The following HMCES variants were observed in gnomAD, a reference collection of about 807,000 sequenced individuals.
HMCES encodes the protein 5-hydroxymethylcytosine binding, ES cell specific, also known as abasic site processing protein HMCES.
In HMCES, 27 loss-of-function variants were observed where a neutral mutation model predicts 35.1. The ratio of observed to expected loss-of-function variants is 0.77; its 90% CI spans 0.57 to 1.06. HMCES has a LOEUF of 1.06. HMCES is among the 50% of genes least tolerant of loss of function. The pLI is 0.00. For synonymous variants in HMCES, 130 were observed against 154.7 expected (o/e 0.84, Z 1.18); for missense variants, 391 against 430.4 (o/e 0.91, Z 0.81).
chr3:129,294,645 A>G (rs2071070101), intron 4 of HMCES, among the ~76,000 whole-genome samples: 1 of 152,302 alleles, frequency 6.6e-6, no homozygotes, highest in African/African-American at 2.4e-5. Context: ...TAGATGGTCA[A>G]TTATGTTTTA....
chr3:129,301,346 T>A (rs2071166886), intron 5 of HMCES, among the ~76,000 whole-genome samples: 1 of 152,232 alleles, frequency 6.6e-6, no homozygotes, highest in African/African-American at 2.4e-5. Flanking sequence ...TATTTAACAT[T>A]ATTTTATATG....
intron 5 of HMCES, 137 bp downstream of exon 5, chr3:129,298,672 A>G (rs867083779): frequency 1.4e-6 from 1 of 709,650 alleles, no homozygotes; most frequent in South Asian, 2.0e-5. Context: ...CTAACATGAC[A>G]TACATTCCTA....
chr3:129,300,468 A>T (rs1409397863), intron 5 of HMCES, among the ~76,000 whole-genome samples: 1 of 152,232 alleles, frequency 6.6e-6, no homozygotes. Flanking sequence ...CTATACTTGT[A>T]TTCTACCTTT....
At chr3:129,286,895 C>A (rs1940651649) in intron 2 of HMCES, among the ~76,000 whole-genome samples, 2 of 152,090 alleles carry the variant, frequency 1.3e-5, no homozygotes, top group South Asian at 2.1e-4. Flanking sequence ...TAGATTTCAT[C>A]AAATTATCAA....
chr3:129,287,696 TAG>T (rs1306896748), intron 2 of HMCES, among the ~76,000 whole-genome samples: 1 of 152,154 alleles, frequency 6.6e-6, no homozygotes, highest in Non-Finnish European at 1.5e-5. Context: ...ACCTTGTATA[TAG>T]GTTTTCCTAA....
chr3:129,290,506 A>G (rs560942096), intron 3 of HMCES, among the ~76,000 whole-genome samples, 173 bp from the exon 4 acceptor site: 79 of 151,922 alleles, frequency 5.2e-4, no homozygotes, highest in Non-Finnish European at 9.1e-4. Flanking sequence ...CTGGTCTCGA[A>G]CTCCTGACCT....
intron 4 of HMCES, among the ~76,000 whole-genome samples, chr3:129,297,500 A>G (rs1419668657): frequency 3.3e-5 from 5 of 152,116 alleles, no homozygotes; most frequent in African/African-American, 1.2e-4. Context: ...TTCAACAGTG[A>G]GGATGGCTTC....
At chr3:129,298,732 G>A (rs2071124482) in intron 5 of HMCES, among the ~76,000 whole-genome samples, 197 bp downstream of exon 5, 1 of 152,084 alleles carries the variant, frequency 6.6e-6, no homozygotes, top group Admixed American at 6.6e-5. Context: ...AATAACTTAG[G>A]GGAAAAGTGG....
rs1451954846 is a variant in HMCES at position 129,305,884 on chromosome 3, C to G, written c.*1059C>G. 1.3e-5 allele frequency: 2 copies of G among 152,314 alleles called. No homozygotes were observed. Among genetic ancestry groups the G allele is most frequent in the African/African-American group, 4.8e-5 (2 of 41,470 alleles). 9.4% of individuals were successfully genotyped at this position (152,314 alleles called of 1,614,324 possible). On this transcript the variant is annotated 3_prime_UTR_variant, in exon 7 of 7. Coordinates refer to ENST00000383463, the MANE Select transcript of HMCES (RefSeq NM_020187.3). ...AGCAGCGCCACGCCACAGGCTTTTC[C>G]CCTGGTTTCGGGAGGGGTGGGGAGC...
At chr3:129,287,521 C>G (rs1940670271) in intron 2 of HMCES, among the ~76,000 whole-genome samples, 1 of 152,042 alleles carries the variant, frequency 6.6e-6, no homozygotes, top group Admixed American at 6.6e-5. Context: ...CATGTAGGCA[C>G]TCTACCAGAT....
At chr3:129,295,158 CAAAA>C (rs77238172) in intron 4 of HMCES, among the ~76,000 whole-genome samples, 1 of 64,648 alleles carries the variant, frequency 1.5e-5, no homozygotes. Flanking sequence ...GACTCCATCT[CAAAA>C]AAAAAAAAAA....
intron 2 of HMCES, among the ~76,000 whole-genome samples, chr3:129,286,818 C>T (rs1201967646): frequency 6.6e-6 from 1 of 152,158 alleles, no homozygotes; most frequent in Non-Finnish European, 1.5e-5. Flanking sequence ...ACTCTCTGCT[C>T]ACTGGTCTCT....
chr3:129,297,030 G>A (rs1190608733), intron 4 of HMCES, among the ~76,000 whole-genome samples: 1 of 152,176 alleles, frequency 6.6e-6, no homozygotes, highest in Admixed American at 6.5e-5. Flanking sequence ...GAGCCACCAC[G>A]ACCAGGCTAC....
intron 4 of HMCES, among the ~76,000 whole-genome samples, chr3:129,296,407 GTC>G (rs1291816381): frequency 6.6e-6 from 1 of 152,060 alleles, no homozygotes; most frequent in Non-Finnish European, 1.5e-5. Context: ...TATAGTTTCT[GTC>G]TCTCTGCTAA....
intron 4 of HMCES, among the ~76,000 whole-genome samples, chr3:129,295,429 T>G (rs907979102): frequency 2.1e-5 from 3 of 139,816 alleles, no homozygotes; most frequent in African/African-American, 9.3e-5. Flanking sequence ...ACAGTGAGAC[T>G]CTATCAAAAA....
chr3:129,297,274 G>A (rs984327467), intron 4 of HMCES, among the ~76,000 whole-genome samples: 8 of 151,942 alleles, frequency 5.3e-5, no homozygotes, highest in Non-Finnish European at 8.8e-5. Flanking sequence ...GCAGTTCTCC[G>A]TTCAGTCTAT....
At chr3:129,293,094 A>G (rs991269076) in intron 4 of HMCES, among the ~76,000 whole-genome samples, 1 of 152,208 alleles carries the variant, frequency 6.6e-6, no homozygotes, top group South Asian at 2.1e-4. Flanking sequence ...ATTGGTTCCA[A>G]CCAATTCAGC....
At chr3:129,292,484 T>C (rs1231451229) in intron 4 of HMCES, among the ~76,000 whole-genome samples, 2 of 124,418 alleles carry the variant, frequency 1.6e-5, no homozygotes, top group Non-Finnish European at 3.0e-5. Flanking sequence ...AGAGAAAAGT[T>C]TTTTTTTTTC....
At position 129,305,120 on chromosome 3, in the gene HMCES, C is replaced by G. The variant is rs1378581523; in HGVS notation, c.*295C>G. On this transcript the variant is annotated 3_prime_UTR_variant, in exon 7 of 7. Transcript: ENST00000383463. The stretch of plus-strand genomic sequence containing the variant: ...AGTCTTCCCTCAAAGCATGCCTTAC[C>G]CAGCTGGGAAGTCTCTGCCCTGATC... 1 of 446,862 alleles carries G rather than the reference C, an allele frequency of 2.2e-6. No individual in the cohort carries two copies. The highest frequency in any genetic ancestry group is 4.0e-6 in the Non-Finnish European group (1 of 249,866). 27.7% of individuals were successfully genotyped at this position (446,862 alleles called of 1,614,324 possible).
Sources: gnomAD v4.1 joint callset for allele counts (sites outside exome capture counted in the v4.1 genomes callset) on GRCh38, gnomAD v4.1.1 for gene constraint, MANE v1.5 for transcripts, NCBI Gene and HGNC (gene_info 2026-07-23, HGNC 2026-07-21) for gene names.